The following GNAQ variants were observed in gnomAD, a reference collection of about 807,000 sequenced individuals.
The protein encoded by GNAQ is G protein subunit alpha q, also known as guanine nucleotide-binding protein G(q) subunit alpha.
GNAQ carries 8 observed loss-of-function variants against 43.9 expected under a neutral mutation model. That is an observed-to-expected ratio of 0.18 (90% CI 0.11 to 0.33). GNAQ has a LOEUF of 0.33. Ranked by LOEUF, GNAQ falls within the 10% of genes least tolerant of loss-of-function variation. The pLI is 1.00. For missense variants in GNAQ, 158 were observed against 450.8 expected, an observed-to-expected ratio of 0.35 and a Z score of 5.88; for synonymous variants, 155 against 170.7, an observed-to-expected ratio of 0.91 and a Z score of 0.71.
intron 1 of GNAQ, among the ~76,000 whole-genome samples, chr9:78,004,773 G>T (rs1215260854): frequency 1.3e-5 from 2 of 152,062 alleles, no homozygotes; most frequent in South Asian, 4.1e-4. Flanking sequence ...ATTTAACATG[G>T]GTTTTGAAAC....
intron 1 of GNAQ, among the ~76,000 whole-genome samples, chr9:77,985,366 T>C (rs1823422554): frequency 6.6e-6 from 1 of 151,980 alleles, no homozygotes; most frequent in South Asian, 2.1e-4. Flanking sequence ...TTGTTTTGGT[T>C]TTCCTTTTAC....
chr9:77,792,766 A>G (rs1184328355), intron 5 of GNAQ, among the ~76,000 whole-genome samples: 1 of 152,130 alleles, frequency 6.6e-6, no homozygotes, highest in Non-Finnish European at 1.5e-5. Context: ...TAAACATCAG[A>G]AATAAATTCA....
chr9:77,989,035 A>G (rs1289418265), intron 1 of GNAQ, among the ~76,000 whole-genome samples: 4 of 152,122 alleles, frequency 2.6e-5, no homozygotes, highest in African/African-American at 9.7e-5. Flanking sequence ...CTGGATAACT[A>G]TTTTGTTTAT....
In GNAQ at chr9:77,719,201, A is replaced by AAAAGT. The variant is rs960537047; in HGVS notation, c.*2117_*2121dup. 3.5e-4 allele frequency: 82 copies of AAAAGT among 231,894 alleles called. No individual in the cohort carries two copies. The highest frequency in any genetic ancestry group is 6.3e-4 in the Non-Finnish European group (74 of 117,258). 14.4% of individuals were successfully genotyped at this position (231,894 alleles called of 1,614,324 possible). A position where few individuals can be genotyped will look rare whatever the true frequency, so the allele number is the denominator to read the frequency against. On this transcript the variant is annotated 3_prime_UTR_variant, in exon 7 of 7. Coordinates refer to ENST00000286548, the MANE Select transcript of GNAQ (RefSeq NM_002072.5). Reference sequence around the variant, plus strand: ...ACAAATTTACATTCTCCTCTCTTAAAAAAGTAAATAAAATAACATTATTCA... The same window carrying AAAAGT: ...ACAAATTTACATTCTCCTCTCTTAAAAAAGTAAAGTAAATAAAATAACATTATTCA...
chr9:77,832,742 C>T (rs1025597989), intron 2 of GNAQ, among the ~76,000 whole-genome samples: 1 of 152,090 alleles, frequency 6.6e-6, no homozygotes, highest in Non-Finnish European at 1.5e-5. Flanking sequence ...TACGATGCCT[C>T]GGAGAAGGAA....
chr9:77,760,534 A>G (rs956496323), intron 5 of GNAQ, among the ~76,000 whole-genome samples: 9 of 152,148 alleles, frequency 5.9e-5, no homozygotes, highest in African/African-American at 2.2e-4. Context: ...GATGGAGTGC[A>G]GTGGCGTGAT....
intron 2 of GNAQ, among the ~76,000 whole-genome samples, chr9:77,840,267 A>C (rs1300908330): frequency 2.0e-5 from 3 of 152,200 alleles, no homozygotes; most frequent in African/African-American, 7.2e-5. Context: ...TGAATGAATT[A>C]GCATGTAGAT....
At chr9:77,882,698 T>C (rs997396676) in intron 2 of GNAQ, among the ~76,000 whole-genome samples, 3 of 152,002 alleles carry the variant, frequency 2.0e-5, no homozygotes, top group Admixed American at 6.5e-5. Flanking sequence ...AAAAAAAGCA[T>C]AGGAAAAAAA....
At chr9:77,830,325 C>T (rs1827277717) in intron 2 of GNAQ, among the ~76,000 whole-genome samples, 1 of 152,044 alleles carries the variant, frequency 6.6e-6, no homozygotes, top group Admixed American at 6.6e-5. Flanking sequence ...GTATGGGGCA[C>T]ACATCATCCA....
intron 2 of GNAQ, among the ~76,000 whole-genome samples, chr9:77,858,525 G>A (rs1827795102): frequency 6.6e-6 from 1 of 151,840 alleles, no homozygotes; most frequent in African/African-American, 2.4e-5. Context: ...GCTCTCAGTG[G>A]ACATGGAAAC....
At chr9:77,965,079 G>T (rs1234919320) in intron 1 of GNAQ, among the ~76,000 whole-genome samples, 1 of 146,712 alleles carries the variant, frequency 6.8e-6, no homozygotes, top group African/African-American at 2.4e-5. Flanking sequence ...ACTCAAAAAG[G>T]CCTAATTAAA....
intron 5 of GNAQ, among the ~76,000 whole-genome samples, chr9:77,772,497 C>T (rs553934424): frequency 2.0e-5 from 3 of 152,328 alleles, no homozygotes; most frequent in Admixed American, 6.5e-5. Context: ...AAACCTAGTA[C>T]TACATCCCCT....
intron 5 of GNAQ, among the ~76,000 whole-genome samples, chr9:77,728,990 C>T (rs1825443496): frequency 6.6e-6 from 1 of 152,262 alleles, no homozygotes; most frequent in Non-Finnish European, 1.5e-5. Flanking sequence ...AAATTCCCAT[C>T]AAAAATCATT....
intron 2 of GNAQ, among the ~76,000 whole-genome samples, chr9:77,861,757 C>T (rs1827856189): frequency 6.6e-6 from 1 of 152,170 alleles, no homozygotes; most frequent in Non-Finnish European, 1.5e-5. Flanking sequence ...AATCCCCACA[C>T]TTTGGGAGGC....
chr9:77,955,189 C>T (rs564459584), intron 1 of GNAQ, among the ~76,000 whole-genome samples: 1 of 152,196 alleles, frequency 6.6e-6, no homozygotes, highest in Non-Finnish European at 1.5e-5. Flanking sequence ...GTTGCCCAGG[C>T]TGGAGTGCGG....
chr9:77,871,561 T>C (rs1828038670), intron 2 of GNAQ, among the ~76,000 whole-genome samples: 1 of 152,158 alleles, frequency 6.6e-6, no homozygotes, highest in African/African-American at 2.4e-5. Context: ...AGTGGTGGGC[T>C]TTTCTGATCC....
Position 77,970,405 on chromosome 9 carries a change from A to C in GNAQ, c.137-48060T>G, listed in dbSNP as rs77811537. Among the ~76,000 whole-genome samples the C allele has an allele frequency of 1.8e-3, 281 of 152,264 alleles. 2 individuals carry two copies. The highest frequency in any genetic ancestry group is 5.9e-3 in the African/African-American group (247 of 41,560). Reference sequence around the variant, plus strand: ...AAAAAGTTACCAACGGCCCAACTGCACACACACATCAGGAAGAGAGGCACC... The same window carrying C: ...AAAAAGTTACCAACGGCCCAACTGCCCACACACATCAGGAAGAGAGGCACC... On this transcript the variant is annotated intron_variant, in intron 1 of 6. Transcript: ENST00000286548.
At chr9:77,958,916 C>T (rs77409596) in intron 1 of GNAQ, among the ~76,000 whole-genome samples, 166 of 152,284 alleles carry the variant, frequency 1.1e-3, no homozygotes, top group African/African-American at 3.9e-3. Context: ...TTCCCCTTTT[C>T]CCAACTCAGA....
chr9:77,978,942 G>C (rs1823335261), intron 1 of GNAQ, among the ~76,000 whole-genome samples: 1 of 152,186 alleles, frequency 6.6e-6, no homozygotes, highest in Non-Finnish European at 1.5e-5. Context: ...TGTAATCCCA[G>C]CTACTCAGGA....
Sources: gnomAD v4.1 joint callset for allele counts (sites outside exome capture counted in the v4.1 genomes callset) on GRCh38, gnomAD v4.1.1 for gene constraint, MANE v1.5 for transcripts, NCBI Gene and HGNC (gene_info 2026-07-23, HGNC 2026-07-21) for gene names.